Variants in RPGRIP1 observed in about 807,000 individuals in gnomAD.
The protein encoded by RPGRIP1 is X-linked retinitis pigmentosa GTPase regulator-interacting protein 1.
RPGRIP1 carries 128 observed loss-of-function variants against 157.9 expected under a neutral mutation model. The observed-to-expected ratio is 0.81, with a 90% confidence interval of 0.70 to 0.94. RPGRIP1 has a LOEUF of 0.94. RPGRIP1 is among the 40% of genes least tolerant of loss of function. The probability of loss-of-function intolerance (pLI) is 0.00; values close to 1 mark genes in which losing one functional copy is unlikely to be tolerated. For synonymous variants in RPGRIP1, 554 were observed against 571.6 expected, an observed-to-expected ratio of 0.97 and a Z score of 0.44; for missense variants, 1,486 against 1,545.8, an observed-to-expected ratio of 0.96 and a Z score of 0.65.
intron 3 of RPGRIP1, 89 bp from the exon 4 acceptor site, chr14:21,300,877 T>C: frequency 5.6e-6 from 8 of 1,428,292 alleles, no homozygotes; most frequent in Non-Finnish European, 7.7e-6. Flanking sequence ...ATACATATTA[T>C]AGATCAATTC....
chr14:21,287,879 C>T (rs1024544079), intron 1 of RPGRIP1, 60 bp from the exon 2 acceptor site: 87 of 736,612 alleles, frequency 1.2e-4, no homozygotes, highest in Middle Eastern at 2.4e-4. Context: ...AACTTATGTA[C>T]ACGTTTCAGA....
Position 21,321,353 on chromosome 14 carries a change from A to C in RPGRIP1, c.1562A>C (p.Lys521Thr). The C allele has an allele frequency of 6.2e-7, 1 of 1,613,964 alleles. No homozygotes were observed. Among genetic ancestry groups the C allele is most frequent in the Non-Finnish European group, 8.5e-7 (1 of 1,179,856 alleles). The change falls in exon 13 of 25, where the codon AAG (lysine) becomes ACG (threonine). Residue 521 changes from lysine (K) to threonine (T), a missense_variant. By Grantham distance (78) the Lys-to-Thr change is moderately conservative (BLOSUM62 -1). Coordinates refer to ENST00000400017, the MANE Select transcript of RPGRIP1 (RefSeq NM_020366.4). ...GCAGAGACCACATTGGAACTAGAAA[A>C]GACCAGGGACATGCTTATTCTGCAG... The part of the protein sequence containing the change: ...SHAETTLELE[K>T]TRDMLILQRK...
At chr14:21,296,732 G>A (rs1880798237) in intron 3 of RPGRIP1, among the ~76,000 whole-genome samples, 1 of 151,826 alleles carries the variant, frequency 6.6e-6, no homozygotes, top group African/African-American at 2.4e-5. Flanking sequence ...CAAGGCGGGT[G>A]GATCACGAGG....
intron 22 of RPGRIP1, among the ~76,000 whole-genome samples, chr14:21,343,891 T>G (rs1295427372): frequency 0.021 from 1,728 of 84,280 alleles, 117 homozygotes; most frequent in African/African-American, 0.065. Flanking sequence ...TTTTTTTTTT[T>G]TTTTTTTTTT....
intron 2 of RPGRIP1, among the ~76,000 whole-genome samples, chr14:21,293,283 C>T (rs1490717954): frequency 6.6e-6 from 1 of 152,150 alleles, no homozygotes; most frequent in East Asian, 1.9e-4. Context: ...AGCAGAGGCT[C>T]TTGTCCTAGG....
At chr14:21,330,574 G>A (rs1220652234) in intron 20 of RPGRIP1, among the ~76,000 whole-genome samples, 187 bp downstream of exon 20, 1 of 152,010 alleles carries the variant, frequency 6.6e-6, no homozygotes, top group Non-Finnish European at 1.5e-5. Flanking sequence ...GCGGAGGCAG[G>A]AGAATTGCTT....
chr14:21,305,653 G>C (rs1172676193), intron 6 of RPGRIP1, among the ~76,000 whole-genome samples: 1 of 152,176 alleles, frequency 6.6e-6, no homozygotes, highest in African/African-American at 2.4e-5. Context: ...TTGTGGTCAG[G>C]AGATCGAAAA....
At chr14:21,300,100 A>T (rs754556278) in intron 3 of RPGRIP1, among the ~76,000 whole-genome samples, 1 of 152,242 alleles carries the variant, frequency 6.6e-6, no homozygotes, top group Non-Finnish European at 1.5e-5. Context: ...GTTCGAGATC[A>T]GCCTGACCAA....
At chr14:21,342,977 G>C in intron 21 of RPGRIP1, 59 bp from the exon 22 acceptor site, 1 of 1,253,722 alleles carries the variant, frequency 8.0e-7, no homozygotes, top group Non-Finnish European at 1.2e-6. Context: ...ATTGGATGGC[G>C]TATAAGCACT....
chr14:21,339,591 G>A (rs1884778679), intron 21 of RPGRIP1, among the ~76,000 whole-genome samples: 1 of 152,024 alleles, frequency 6.6e-6, no homozygotes, highest in Admixed American at 6.6e-5. Flanking sequence ...TATCCATGTC[G>A]ATATATTTAG....
intron 9 of RPGRIP1, 97 bp downstream of exon 9, chr14:21,312,067 A>G (rs1881561155): frequency 8.4e-7 from 1 of 1,189,068 alleles, no homozygotes; most frequent in African/African-American, 1.5e-5. Flanking sequence ...ATTTTTTCAA[A>G]TGACAAAAAC....
chr14:21,332,837 T>C (rs1284333803), intron 20 of RPGRIP1, among the ~76,000 whole-genome samples: 1 of 152,186 alleles, frequency 6.6e-6, no homozygotes, highest in Admixed American at 6.6e-5. Context: ...CCAGGCGCAG[T>C]GGCTTACACC....
At chr14:21,315,876 G>A (rs1881773739) in intron 10 of RPGRIP1, among the ~76,000 whole-genome samples, 1 of 149,968 alleles carries the variant, frequency 6.7e-6, no homozygotes, top group East Asian at 2.0e-4. Flanking sequence ...TTGGCTCACT[G>A]CAACCTCTGC....
At chr14:21,300,902 CAAATAACCCGTAG>C (rs1880996537) in intron 3 of RPGRIP1, 51 bp from the exon 4 acceptor site, 1 of 1,561,668 alleles carries the variant, frequency 6.4e-7, no homozygotes, top group Non-Finnish European at 8.7e-7. Flanking sequence ...TTATATGTCC[CAAATAACCCGTAG>C]AAATAATAAC....
Position 21,312,513 on chromosome 14 carries a change from AC to A in RPGRIP1, c.1151+9del. The A allele has an allele frequency of 6.3e-7, 1 of 1,599,746 alleles. No individual in the cohort carries two copies. The highest frequency in any genetic ancestry group is 8.6e-7 in the Non-Finnish European group (1 of 1,168,566). ...ATGACAAACTCTTAGAAAGGTGAGT[AC>A]CACATTTGGGTCCCAGAGCAGTGTT... On this transcript the variant is annotated splice_region_variant and intron_variant, in intron 10 of 24. Coordinates refer to ENST00000400017, the MANE Select transcript of RPGRIP1 (RefSeq NM_020366.4).
intron 1 of RPGRIP1, among the ~76,000 whole-genome samples, chr14:21,282,499 G>C (rs1279083877): frequency 6.6e-6 from 1 of 151,806 alleles, no homozygotes; most frequent in African/African-American, 2.4e-5. Context: ...GCCTCCCATA[G>C]TGCTGGGATT....
At chr14:21,321,629 C>G in intron 13 of RPGRIP1, 1 of 1,064,654 alleles carries the variant, frequency 9.4e-7, no homozygotes, top group Non-Finnish European at 1.3e-6. Flanking sequence ...CAATGGCAAG[C>G]GTAAGGCTTC....
At chr14:21,313,521 G>A (rs375031601) in intron 10 of RPGRIP1, among the ~76,000 whole-genome samples, 15 of 152,200 alleles carry the variant, frequency 9.9e-5, no homozygotes, top group African/African-American at 2.4e-4. Flanking sequence ...CAGGCGCGGC[G>A]GCTCATGCCT....
intron 13 of RPGRIP1, 105 bp from the exon 14 acceptor site, chr14:21,321,749 C>T (rs1299485269): frequency 1.8e-6 from 2 of 1,127,406 alleles, no homozygotes; most frequent in African/African-American, 3.1e-5. Flanking sequence ...GTGAACCTGC[C>T]CAGCTAAGGA....
Sources: gnomAD v4.1 joint callset for allele counts (sites outside exome capture counted in the v4.1 genomes callset) on GRCh38, gnomAD v4.1.1 for gene constraint, MANE v1.5 for transcripts, NCBI Gene and HGNC (gene_info 2026-07-23, HGNC 2026-07-21) for gene names.